The following LRP1B variants were observed in gnomAD, a reference collection of about 807,000 sequenced individuals.
LRP1B encodes low-density lipoprotein receptor-related protein 1B.
In LRP1B, 217 loss-of-function variants were observed where a neutral mutation model predicts 556.6. The observed-to-expected ratio is 0.39, with a 90% confidence interval of 0.35 to 0.44. LRP1B has a LOEUF of 0.44. Ranked by LOEUF, LRP1B falls within the 20% of genes least tolerant of loss-of-function variation. The pLI is 1.00. For synonymous variants in LRP1B, 2,047 were observed against 1,865.8 expected (o/e 1.10, Z -2.50); for missense variants, 5,053 against 5,620.8 (o/e 0.90, Z 3.23).
intron 2 of LRP1B, among the ~76,000 whole-genome samples, chr2:141,745,495 C>T (rs1693882524): frequency 6.6e-6 from 1 of 152,030 alleles, no homozygotes; most frequent in South Asian, 2.1e-4. Flanking sequence ...GCCAGACTAC[C>T]ACTGATGTTC....
intron 11 of LRP1B, among the ~76,000 whole-genome samples, chr2:141,040,681 G>A (rs751713591): frequency 2.6e-5 from 4 of 151,894 alleles, no homozygotes; most frequent in Non-Finnish European, 5.9e-5. Flanking sequence ...CTAAGTAATC[G>A]AATGATAAAT....
intron 71 of LRP1B, among the ~76,000 whole-genome samples, chr2:140,365,363 T>C (rs1367660180): frequency 6.6e-6 from 1 of 151,710 alleles, no homozygotes; most frequent in Non-Finnish European, 1.5e-5. Context: ...GCATTATTTT[T>C]TGGATTGTTA....
chr2:141,472,845 T>C (rs759908335), intron 3 of LRP1B, among the ~76,000 whole-genome samples: 3 of 152,190 alleles, frequency 2.0e-5, no homozygotes, highest in Non-Finnish European at 4.4e-5. Context: ...GTTTCCATAG[T>C]TATTCTTAAA....
chr2:142,077,956 C>G (rs1439948824), intron 1 of LRP1B, among the ~76,000 whole-genome samples: 2 of 152,126 alleles, frequency 1.3e-5, no homozygotes, highest in Non-Finnish European at 2.9e-5. Flanking sequence ...TTGACTAACA[C>G]TTTGAATGGA....
At chr2:141,041,090 G>T (rs557200930) in intron 11 of LRP1B, among the ~76,000 whole-genome samples, 1 of 152,012 alleles carries the variant, frequency 6.6e-6, no homozygotes, top group South Asian at 2.1e-4. Context: ...TGAAATTAAA[G>T]AGTAATGTAT....
At chr2:140,876,413 C>T (rs1693306752) in intron 25 of LRP1B, among the ~76,000 whole-genome samples, 1 of 152,034 alleles carries the variant, frequency 6.6e-6, no homozygotes, top group Admixed American at 6.6e-5. Context: ...TGCATAAGTG[C>T]AATAAAAATT....
At chr2:140,919,959 A>G (rs1193753729) in intron 21 of LRP1B, among the ~76,000 whole-genome samples, 1 of 152,062 alleles carries the variant, frequency 6.6e-6, no homozygotes, top group Non-Finnish European at 1.5e-5. Flanking sequence ...AAATAAAATG[A>G]CTCATTGAAT....
At chr2:141,179,413 GT>G (rs771706595) in intron 7 of LRP1B, among the ~76,000 whole-genome samples, 6 of 151,900 alleles carry the variant, frequency 3.9e-5, no homozygotes, top group Non-Finnish European at 5.9e-5. Flanking sequence ...AGATTTCCTA[GT>G]TTGGTTGTGG....
intron 2 of LRP1B, among the ~76,000 whole-genome samples, chr2:141,514,065 G>T (rs941275537): frequency 7.2e-5 from 11 of 152,174 alleles, no homozygotes; most frequent in Middle Eastern, 3.4e-3. Context: ...GGTCATTCTG[G>T]ATATCCACAT....
chr2:141,600,073 C>T lies in LRP1B; in HGVS notation c.206-119540G>A, dbSNP rs141481112. 5.1e-3 allele frequency among the ~76,000 whole-genome samples: 773 copies of T among 152,212 alleles called. 6 individuals are homozygous for T. Among genetic ancestry groups the T allele is most frequent in the African/African-American group, 0.016 (652 of 41,536 alleles). ...CTCTAATTTCCTACACCATTCAGTA[C>T]GCTGATCAACATCACAAATAAGTGA... On this transcript the variant is annotated intron_variant, in intron 2 of 90. Coordinates refer to ENST00000389484, the MANE Select transcript of LRP1B (RefSeq NM_018557.3).
chr2:141,499,781 A>C (rs542555869), intron 2 of LRP1B, among the ~76,000 whole-genome samples: 49 of 152,260 alleles, frequency 3.2e-4, no homozygotes, highest in African/African-American at 1.1e-3. Context: ...GAAATAAAAA[A>C]ATAAAATATA....
intron 7 of LRP1B, among the ~76,000 whole-genome samples, chr2:141,072,070 A>G (rs1699660738): frequency 6.6e-6 from 1 of 152,052 alleles, no homozygotes; most frequent in African/African-American, 2.4e-5. Flanking sequence ...AGACAGGCTA[A>G]CATTTTGTCC....
At chr2:140,984,865 A>C (rs985326722) in intron 17 of LRP1B, among the ~76,000 whole-genome samples, 1 of 152,122 alleles carries the variant, frequency 6.6e-6, no homozygotes, top group Non-Finnish European at 1.5e-5. Flanking sequence ...AAGATGCTTT[A>C]TTCCACAAAC....
intron 7 of LRP1B, among the ~76,000 whole-genome samples, chr2:141,107,214 AT>A (rs1452276566): frequency 6.6e-6 from 1 of 152,158 alleles, no homozygotes; most frequent in African/African-American, 2.4e-5. Context: ...ATATCATTAA[AT>A]TTTTTATGTG....
At chr2:141,937,307 G>T (rs1359516225) in intron 1 of LRP1B, among the ~76,000 whole-genome samples, 4 of 151,832 alleles carry the variant, frequency 2.6e-5, no homozygotes, top group African/African-American at 9.7e-5. Flanking sequence ...GAAGCCAGGA[G>T]GTGGAAGGCG....
intron 27 of LRP1B, among the ~76,000 whole-genome samples, chr2:140,853,068 C>T (rs1378125298): frequency 6.6e-6 from 1 of 151,982 alleles, no homozygotes; most frequent in East Asian, 1.9e-4. Context: ...AATATGCCAC[C>T]TTTGCCCATT....
intron 66 of LRP1B, among the ~76,000 whole-genome samples, chr2:140,412,866 T>A (rs1685024946): frequency 6.6e-6 from 1 of 152,108 alleles, no homozygotes; most frequent in Admixed American, 6.6e-5. Flanking sequence ...TTGTGTCAAC[T>A]TAACTAGATA....
At chr2:141,577,722 A>T (rs1162722891) in intron 2 of LRP1B, among the ~76,000 whole-genome samples, 2 of 152,154 alleles carry the variant, frequency 1.3e-5, no homozygotes, top group Non-Finnish European at 2.9e-5. Context: ...CCATTTAATA[A>T]CTTACTACAT....
intron 6 of LRP1B, among the ~76,000 whole-genome samples, chr2:141,214,808 T>C (rs1389129651): frequency 6.6e-6 from 1 of 152,146 alleles, no homozygotes; most frequent in Non-Finnish European, 1.5e-5. Context: ...ACCCAGTGTC[T>C]CAGAAACACT....
Sources: gnomAD v4.1 joint callset for allele counts (sites outside exome capture counted in the v4.1 genomes callset) on GRCh38, gnomAD v4.1.1 for gene constraint, MANE v1.5 for transcripts, NCBI Gene and HGNC (gene_info 2026-07-23, HGNC 2026-07-21) for gene names.